NKAIN2: variants seen among roughly 807,000 people sequenced by gnomAD.
The protein encoded by NKAIN2 is sodium/potassium transporting ATPase interacting 2.
Under a neutral mutation model 32.6 loss-of-function variants are expected in NKAIN2, and 14 were observed. The ratio of observed to expected loss-of-function variants is 0.43; its 90% CI spans 0.28 to 0.67. The LOEUF is 0.67. NKAIN2 is among the 30% of genes least tolerant of loss of function. The probability of loss-of-function intolerance (pLI) is 0.17; values close to 1 mark genes in which losing one functional copy is unlikely to be tolerated. For synonymous variants in NKAIN2, 80 were observed against 87.2 expected (o/e 0.92, Z 0.46); for missense variants, 198 against 258.3 (o/e 0.77, Z 1.60).
At chr6:124,653,057 T>G (rs1182334279) in intron 3 of NKAIN2, among the ~76,000 whole-genome samples, 1 of 152,174 alleles carries the variant, frequency 6.6e-6, no homozygotes, top group Non-Finnish European at 1.5e-5. Flanking sequence ...ATAGAAAGAC[T>G]CAAGATTTTC....
intron 3 of NKAIN2, among the ~76,000 whole-genome samples, chr6:124,484,536 G>A (rs554083366): frequency 6.6e-6 from 1 of 152,078 alleles, no homozygotes; most frequent in African/African-American, 2.4e-5. Context: ...ACTCTTATAT[G>A]ATTCAGGATC....
intron 2 of NKAIN2, among the ~76,000 whole-genome samples, chr6:124,308,419 T>A (rs558380965): frequency 6.6e-6 from 1 of 152,308 alleles, no homozygotes; most frequent in Non-Finnish European, 1.5e-5. Flanking sequence ...ATTTATTTTA[T>A]CTGCTAAAGA....
intron 3 of NKAIN2, among the ~76,000 whole-genome samples, chr6:124,437,623 G>T (rs1440061004): frequency 6.6e-6 from 1 of 152,022 alleles, no homozygotes; most frequent in Non-Finnish European, 1.5e-5. Flanking sequence ...AATATGCAAA[G>T]TTGAATCAGA....
At chr6:123,856,654 T>C (rs185724889) in intron 1 of NKAIN2, among the ~76,000 whole-genome samples, 74 of 152,244 alleles carry the variant, frequency 4.9e-4, no homozygotes, top group Admixed American at 8.5e-4. Flanking sequence ...AGAAATGAAG[T>C]GTTTCTCACT....
At chr6:123,941,595 T>A (rs990256058) in intron 1 of NKAIN2, among the ~76,000 whole-genome samples, 2 of 151,898 alleles carry the variant, frequency 1.3e-5, no homozygotes, top group Non-Finnish European at 2.9e-5. Flanking sequence ...TGCACGACTA[T>A]GTATATAAAT....
intron 5 of NKAIN2, among the ~76,000 whole-genome samples, chr6:124,813,297 C>T (rs377741871): frequency 6.6e-6 from 1 of 151,864 alleles, no homozygotes; most frequent in Admixed American, 6.6e-5. Context: ...AGTATTAGAT[C>T]AAAGAAGAAT....
At chr6:124,807,910 T>A (rs1270039356) in intron 5 of NKAIN2, among the ~76,000 whole-genome samples, 1 of 150,208 alleles carries the variant, frequency 6.7e-6, no homozygotes, top group African/African-American at 2.4e-5. Context: ...CCTCGACACA[T>A]ACACTCTCCC....
At chr6:124,718,449 A>G (rs1775859488) in intron 4 of NKAIN2, among the ~76,000 whole-genome samples, 2 of 152,172 alleles carry the variant, frequency 1.3e-5, no homozygotes, top group South Asian at 4.1e-4. Context: ...CAGTGTATGA[A>G]TGTGTCACAT....
chr6:124,254,103 C>G (rs1391107269), intron 1 of NKAIN2, among the ~76,000 whole-genome samples: 1 of 152,054 alleles, frequency 6.6e-6, no homozygotes, highest in Admixed American at 6.6e-5. Context: ...CAGGCGTGAG[C>G]CACCGCTCCC....
chr6:124,823,024 A>G (rs1298841025), intron 6 of NKAIN2, among the ~76,000 whole-genome samples, 196 bp from the exon 7 acceptor site: 1 of 152,208 alleles, frequency 6.6e-6, no homozygotes, highest in African/African-American at 2.4e-5. Flanking sequence ...TAAATGACCA[A>G]AACTGGCCTC....
At chr6:124,142,145 A>G (rs955811286) in intron 1 of NKAIN2, among the ~76,000 whole-genome samples, 1 of 152,174 alleles carries the variant, frequency 6.6e-6, no homozygotes, top group African/African-American at 2.4e-5. Context: ...TCACTGACAC[A>G]TTGGGATTCT....
In NKAIN2 at chr6:124,679,188, C is replaced by A. The variant is rs530282224; in HGVS notation, c.474+20802C>A. 5.9e-5 allele frequency among the ~76,000 whole-genome samples: 9 copies of A among 152,278 alleles called. No individual in the cohort carries two copies. In the East Asian group the frequency reaches 1.4e-3, roughly 23 times the overall value. On this transcript the variant is annotated intron_variant, in intron 4 of 6. Transcript: ENST00000368417. Reference sequence around the variant, plus strand: ...TGAATATTGCAAACACATTTCAACTCTTTCCCTCCCCTGGAAGAAGCCATG... The same window carrying A: ...TGAATATTGCAAACACATTTCAACTATTTCCCTCCCCTGGAAGAAGCCATG...
intron 1 of NKAIN2, among the ~76,000 whole-genome samples, chr6:124,201,170 A>G (rs1367991838): frequency 6.6e-6 from 1 of 151,922 alleles, no homozygotes; most frequent in African/African-American, 2.4e-5. Flanking sequence ...GTTCTGGATC[A>G]TTTTCTGTTG....
At chr6:124,375,785 C>T (rs1189558964) in intron 3 of NKAIN2, among the ~76,000 whole-genome samples, 2 of 151,994 alleles carry the variant, frequency 1.3e-5, no homozygotes, top group South Asian at 2.1e-4. Flanking sequence ...GGGAGGAAGA[C>T]ATTTTTTAAA....
At chr6:124,662,308 T>C (rs1386768905) in intron 4 of NKAIN2, among the ~76,000 whole-genome samples, 1 of 151,802 alleles carries the variant, frequency 6.6e-6, no homozygotes, top group Non-Finnish European at 1.5e-5. Context: ...ATAATTTATA[T>C]ATATATATAT....
chr6:124,099,068 C>T (rs1264021156), intron 1 of NKAIN2, among the ~76,000 whole-genome samples: 2 of 151,900 alleles, frequency 1.3e-5, no homozygotes, highest in East Asian at 3.9e-4. Flanking sequence ...CAGGATGGTC[C>T]AAATGATATA....
At chr6:124,103,400 T>C (rs1443279179) in intron 1 of NKAIN2, among the ~76,000 whole-genome samples, 4 of 152,170 alleles carry the variant, frequency 2.6e-5, no homozygotes, top group African/African-American at 7.2e-5. Flanking sequence ...TATATAGCAG[T>C]CCTGTGCAAT....
chr6:123,916,530 T>G (rs754229385), intron 1 of NKAIN2, among the ~76,000 whole-genome samples: 2 of 152,060 alleles, frequency 1.3e-5, no homozygotes, highest in South Asian at 2.1e-4. Context: ...TCCCAAGTGG[T>G]GGAATTACAG....
At chr6:124,493,477 T>C (rs1413850049) in intron 3 of NKAIN2, among the ~76,000 whole-genome samples, 1 of 151,996 alleles carries the variant, frequency 6.6e-6, no homozygotes, top group Admixed American at 6.6e-5. Context: ...TAGCATATAA[T>C]TGACTGATAA....
Sources: gnomAD v4.1 joint callset for allele counts (sites outside exome capture counted in the v4.1 genomes callset) on GRCh38, gnomAD v4.1.1 for gene constraint, MANE v1.5 for transcripts, NCBI Gene and HGNC (gene_info 2026-07-23, HGNC 2026-07-21) for gene names.